Variants in SULF2 observed in about 807,000 individuals in gnomAD.
SULF2 encodes the protein extracellular sulfatase Sulf-2.
In SULF2, 52 loss-of-function variants were observed where a neutral mutation model predicts 107.7. The observed-to-expected ratio is 0.48, with a 90% confidence interval of 0.39 to 0.61. The LOEUF (loss-of-function observed/expected upper bound fraction) is 0.61. SULF2 is among the 20% of genes least tolerant of loss of function. SULF2 has a pLI of 0.00. For synonymous variants in SULF2, 460 were observed against 464.3 expected, an observed-to-expected ratio of 0.99 and a Z score of 0.12; for missense variants, 993 against 1,177.3, an observed-to-expected ratio of 0.84 and a Z score of 2.29.
chr20:47,780,694 C>A (rs1031546435), intron 1 of SULF2, among the ~76,000 whole-genome samples: 1 of 152,152 alleles, frequency 6.6e-6, no homozygotes, highest in Non-Finnish European at 1.5e-5. Context: ...GCTGGAATTA[C>A]AGGCAAGCAC....
In SULF2 at chr20:47,665,952, A is replaced by G. The variant is rs777488517; in HGVS notation, c.1807T>C (p.Cys603Arg). ...AANPIKVTHR[C>R]YILENDTVQC... ...ACTGTGTCGTTCTCTAGGATGTAGC[A>G]CCTGCTTGAGAGAAGGGATCACGTG... The change falls in exon 13 of 21, where the codon TGC (cysteine) becomes CGC (arginine). Residue 603 changes from cysteine (C) to arginine (R), a missense_variant and splice_region_variant. Transcript: ENST00000688720. The G allele has an allele frequency of 6.2e-7, 1 of 1,613,866 alleles. No individual in the cohort carries two copies. The highest frequency in any genetic ancestry group is 1.7e-5 in the Admixed American group (1 of 60,018).
chr20:47,727,847 C>G (rs2089486560), intron 3 of SULF2, among the ~76,000 whole-genome samples: 1 of 152,186 alleles, frequency 6.6e-6, no homozygotes, highest in African/African-American at 2.4e-5. Flanking sequence ...TCTTTAGACT[C>G]TTGCTCAAAA....
At chr20:47,674,239 C>A (rs1602610833) in intron 10 of SULF2, among the ~76,000 whole-genome samples, 1 of 152,278 alleles carries the variant, frequency 6.6e-6, no homozygotes, top group East Asian at 1.9e-4. Flanking sequence ...CATGGCCCGT[C>A]CCGAGGCTGT....
At chr20:47,717,787 T>C (rs897359393) in intron 3 of SULF2, among the ~76,000 whole-genome samples, 4 of 151,382 alleles carry the variant, frequency 2.6e-5, no homozygotes, top group African/African-American at 9.7e-5. Flanking sequence ...GATCAGTCTT[T>C]CCAGAAGTGT....
rs139890068 is a variant in SULF2 at position 47,668,974 on chromosome 20, T to A, written c.1577-2486A>T. Among the ~76,000 whole-genome samples, 12 of 152,352 alleles carry A rather than the reference T, an allele frequency of 7.9e-5. No homozygotes were observed. The East Asian group carries it at 2.1e-3, about 27-fold the overall frequency. On this transcript the variant is annotated intron_variant, in intron 11 of 20. Transcript: ENST00000688720. ...GCTGGTCACAAGACCTGCTCCTTTCTGTACTTTGTTCTCATTAAATGTCCA... is the reference window on the plus strand; with the variant it reads ...GCTGGTCACAAGACCTGCTCCTTTCAGTACTTTGTTCTCATTAAATGTCCA...
Position 47,684,466 on chromosome 20 carries a change from G to A in SULF2, c.853C>T (p.Gln285Ter), listed in dbSNP as rs1223602836. 6.2e-7 allele frequency: 1 copy of A among 1,613,702 alleles called. No individual in the cohort carries two copies. The highest frequency in any genetic ancestry group is 1.7e-5 in the Admixed American group (1 of 59,982). ...FTNMLQRKRL[Q>*]TLMSVDDSME... ...GAGTCGTCCACCGACATGAGGGTCT[G>A]CAAGCGCTTCCGCTGGAGCATGTTG... Residue 285 changes from glutamine (Q) to a stop codon, truncating the protein, a stop_gained, in exon 6 of 21, where the codon CAG (glutamine) becomes TAG (stop). Transcript: ENST00000688720. LOFTEE classifies it high-confidence loss of function.
At chr20:47,745,454 TATACACATACAC>T (rs199667633) in intron 2 of SULF2, among the ~76,000 whole-genome samples, 1 of 17,250 alleles carries the variant, frequency 5.8e-5, no homozygotes, top group Non-Finnish European at 8.7e-5. Context: ...TATATATATA[TATACACATACAC>T]ACACACTTTT....
intron 2 of SULF2, among the ~76,000 whole-genome samples, 186 bp downstream of exon 2, chr20:47,757,003 G>A (rs528109759): frequency 6.6e-6 from 1 of 152,326 alleles, no homozygotes; most frequent in South Asian, 2.1e-4. Flanking sequence ...GAGAAGGGTA[G>A]AGACCCCTAA....
chr20:47,754,150 A>G (rs745944012), intron 2 of SULF2, among the ~76,000 whole-genome samples: 8 of 152,138 alleles, frequency 5.3e-5, no homozygotes, highest in Non-Finnish European at 8.8e-5. Flanking sequence ...TGCAATTAGG[A>G]AACAGAACAA....
At chr20:47,676,648 C>T (rs375300450) in intron 9 of SULF2, 25 bp from the exon 10 acceptor site, 44 of 1,547,602 alleles carry the variant, frequency 2.8e-5, no homozygotes, top group African/African-American at 1.9e-4. Flanking sequence ...GCAGGAGCCG[C>T]GGGGCCGGCC....
At position 47,785,445 on chromosome 20, in the gene SULF2, TGCCGCTGCCGCCGCC is replaced by T. The variant is rs1456300176; in HGVS notation, c.-218_-204del. ...GGCGCAGGGGACTCCGCGCCGCCGC[TGCCGCTGCCGCCGCC>T]GCCGCCGCCGCTGCCGCTGCTGCAT... On this transcript the variant is annotated 5_prime_UTR_variant, in exon 1 of 21. Coordinates refer to ENST00000688720, the MANE Select transcript of SULF2 (RefSeq NM_001387048.1). The T allele has an allele frequency of 2.7e-5, 4 of 147,502 alleles. No individual in the cohort carries two copies. Among genetic ancestry groups the T allele is most frequent in the African/African-American group, 1.2e-4 (4 of 34,434 alleles). The allele number at this position is 147,502 out of a possible 1,614,324, so 9.1% of individuals were successfully genotyped here. A position where few individuals can be genotyped will look rare whatever the true frequency, so the allele number is the denominator to read the frequency against.
chr20:47,778,258 CT>C (rs1198804526), intron 1 of SULF2, among the ~76,000 whole-genome samples: 1 of 152,268 alleles, frequency 6.6e-6, no homozygotes, highest in Non-Finnish European at 1.5e-5. Context: ...ACACATCTGG[CT>C]TCCACATGGC....
rs1602683428 is a variant in SULF2 at position 47,702,541 on chromosome 20, T to C, written c.545A>G (p.Lys182Arg). ...TACCTTGGAGTAGTCGGAGCCGTGC[T>C]TCTCTTTCACCCCGTTCCGACACAG... ...YTLCRNGVKEKHGSDYSKDYL... is the reference protein window; with the variant it reads ...YTLCRNGVKERHGSDYSKDYL... Residue 182 changes from lysine (K) to arginine (R), a missense_variant, in exon 4 of 21, where the codon AAG becomes AGG. Transcript: ENST00000688720. 1 of 1,612,750 alleles carries C rather than the reference T, an allele frequency of 6.2e-7. No individual in the cohort carries two copies. The highest frequency in any genetic ancestry group is 2.2e-5 in the East Asian group (1 of 44,866).
chr20:47,713,684 GGTCTGCA>G (rs2089008897), intron 3 of SULF2, among the ~76,000 whole-genome samples: 1 of 151,884 alleles, frequency 6.6e-6, no homozygotes, highest in Admixed American at 6.6e-5. Flanking sequence ...CAGGAGTTTA[GGTCTGCA>G]GTGAGCCATG....
intron 1 of SULF2, among the ~76,000 whole-genome samples, chr20:47,763,229 C>T (rs113921676): frequency 1.3e-5 from 2 of 152,334 alleles, no homozygotes; most frequent in African/African-American, 2.4e-5. Context: ...TTGGCAAAGG[C>T]TCGCCAGCCC....
At chr20:47,669,624 G>A (rs1049910604) in intron 11 of SULF2, among the ~76,000 whole-genome samples, 7 of 152,148 alleles carry the variant, frequency 4.6e-5, no homozygotes, top group African/African-American at 1.2e-4. Context: ...TGCCAGGCAG[G>A]AGATGGGGCT....
At chr20:47,724,838 C>T (rs572129321) in intron 3 of SULF2, among the ~76,000 whole-genome samples, 2 of 152,284 alleles carry the variant, frequency 1.3e-5, no homozygotes, top group East Asian at 1.9e-4. Flanking sequence ...CTGTTCTCAG[C>T]GCCATCAGAC....
intron 4 of SULF2, among the ~76,000 whole-genome samples, chr20:47,698,295 C>A (rs908594386): frequency 6.6e-6 from 1 of 152,210 alleles, no homozygotes; most frequent in African/African-American, 2.4e-5. Context: ...GCTCCTGCTA[C>A]CCCCATGTCT....
Position 47,678,652 on chromosome 20 carries a change from A to G in SULF2, c.1193+24T>C. On this transcript the variant is annotated intron_variant, in intron 8 of 20. Transcript: ENST00000688720. This position sits in a 1 kb window ranked among gnomAD's most constrained non-coding sequence, Gnocchi z 4.5. ...GCAGGTCAATGTCCCGGCCCCCTCA[A>G]CACCTGCCCTGCTCCGTCCTCACCG... 6.2e-7 allele frequency: 1 copy of G among 1,612,496 alleles called. No homozygotes were observed. The highest frequency in any genetic ancestry group is 8.5e-7 in the Non-Finnish European group (1 of 1,179,418).
Sources: gnomAD v4.1 joint callset for allele counts (sites outside exome capture counted in the v4.1 genomes callset) on GRCh38, gnomAD v4.1.1 for gene constraint, Gnocchi (gnomAD v3.1) non-coding constraint, MANE v1.5 for transcripts, NCBI Gene and HGNC (gene_info 2026-07-23, HGNC 2026-07-21) for gene names.